The following LRRFIP1 variants were observed in gnomAD, a reference collection of about 807,000 sequenced individuals.
LRRFIP1 encodes LRR binding FLII interacting protein 1, also known as leucine-rich repeat flightless-interacting protein 1.
Under a neutral mutation model 104.4 loss-of-function variants are expected in LRRFIP1, and 62 were observed. That is an observed-to-expected ratio of 0.59 (90% CI 0.48 to 0.73). The LOEUF (loss-of-function observed/expected upper bound fraction) is 0.73, where lower values mean the gene tolerates loss of function less well. Among genes scored for constraint, LRRFIP1 ranks in the 30% least tolerant of loss-of-function variants. The pLI is 0.00. For synonymous variants in LRRFIP1, 300 were observed against 299.0 expected (o/e 1.00, Z -0.03); for missense variants, 796 against 824.5 (o/e 0.97, Z 0.42).
chr2:237,734,428 G>A (rs139967683), intron 9 of LRRFIP1, among the ~76,000 whole-genome samples: 1,732 of 151,952 alleles, frequency 0.011, 35 homozygotes, highest in African/African-American at 0.04. Context: ...TTACAGGCAC[G>A]TGTCACCACA....
intron 4 of LRRFIP1, among the ~76,000 whole-genome samples, chr2:237,718,424 GTGGA>G (rs1404478802): frequency 6.6e-6 from 1 of 152,164 alleles, no homozygotes; most frequent in Admixed American, 6.5e-5. Flanking sequence ...CTGCCTTCCT[GTGGA>G]TGGAGAGCTA....
chr2:237,651,235 G>A (rs956741020), intron 1 of LRRFIP1, among the ~76,000 whole-genome samples: 1 of 152,024 alleles, frequency 6.6e-6, no homozygotes, highest in Non-Finnish European at 1.5e-5. Flanking sequence ...CTTTTTCTGG[G>A]TGTCTTTGCT....
In LRRFIP1 at chr2:237,649,914, T is replaced by G. The variant is rs957626703; in HGVS notation, c.96+22174T>G. Among the ~76,000 whole-genome samples the G allele has an allele frequency of 6.6e-6, 1 of 152,068 alleles. No homozygotes were observed. The highest frequency in any genetic ancestry group is 1.9e-4 in the East Asian group (1 of 5,198). The stretch of plus-strand genomic sequence containing the variant: ...GCAGCCTTCGAAAGAGATGTAGTCC[T>G]CATCTGAAAGGTCATCCTTTCAAGT... On this transcript the variant is annotated intron_variant, in intron 1 of 23. Transcript: ENST00000308482. This position sits in a 1 kb window ranked among gnomAD's most constrained non-coding sequence, Gnocchi z 4.1.
chr2:237,725,068 C>G (rs2094689327), intron 7 of LRRFIP1, among the ~76,000 whole-genome samples: 1 of 152,218 alleles, frequency 6.6e-6, no homozygotes, highest in South Asian at 2.1e-4. Flanking sequence ...GGACTAGTCA[C>G]AAGTTACCGT....
In LRRFIP1 at chr2:237,691,360, G is replaced by A. The variant is rs1489510530; in HGVS notation, c.97-17184G>A. On this transcript the variant is annotated intron_variant, in intron 1 of 23. Transcript: ENST00000308482. This position sits in a 1 kb window ranked among gnomAD's most constrained non-coding sequence, Gnocchi z 5.4. ...TGGAGCCCTCCCGGAGGAGACCGGCGCCTGGCAGGGGGTCGTCGCGGCCGC... is the reference window on the plus strand; with the variant it reads ...TGGAGCCCTCCCGGAGGAGACCGGCACCTGGCAGGGGGTCGTCGCGGCCGC... Among the ~76,000 whole-genome samples, 1 of 152,128 alleles carries A rather than the reference G, an allele frequency of 6.6e-6. No individual in the cohort carries two copies. The highest frequency in any genetic ancestry group is 1.5e-5 in the Non-Finnish European group (1 of 68,008).
chr2:237,663,619 A>G (rs959246802), intron 1 of LRRFIP1, among the ~76,000 whole-genome samples: 1 of 152,216 alleles, frequency 6.6e-6, no homozygotes, highest in Non-Finnish European at 1.5e-5. Flanking sequence ...CTGCTACAGC[A>G]GCCTAAACAG....
intron 10 of LRRFIP1, among the ~76,000 whole-genome samples, chr2:237,738,492 G>A (rs573991059): frequency 6.6e-6 from 1 of 152,312 alleles, no homozygotes; most frequent in Non-Finnish European, 1.5e-5. Flanking sequence ...GACATGTCGG[G>A]ATCCTAAATA....
intron 1 of LRRFIP1, among the ~76,000 whole-genome samples, chr2:237,639,379 T>C (rs2083569395): frequency 6.6e-6 from 1 of 152,342 alleles, no homozygotes; most frequent in South Asian, 2.1e-4. Flanking sequence ...GGACTTCTTA[T>C]AAGTTTGAAG....
chr2:237,733,550 C>T (rs925364552), intron 8 of LRRFIP1, among the ~76,000 whole-genome samples: 1 of 152,212 alleles, frequency 6.6e-6, no homozygotes, highest in African/African-American at 2.4e-5. Context: ...GGGAAGTTTA[C>T]TGTTTTAAAG....
rs1033179409 is a variant in LRRFIP1 at position 237,774,447 on chromosome 2, G to A, written c.1797G>A (p.Arg599=). 6 of 1,612,172 alleles carry A rather than the reference G, an allele frequency of 3.7e-6. No individual in the cohort carries two copies. The highest frequency in any genetic ancestry group is 5.1e-6 in the Non-Finnish European group (6 of 1,178,776). ...KIEDELKAEK[R]KLQRELRSAL... ...AAGATGAACTTAAGGCAGAAAAACG[G>A]AAACTCCAAAGAGAGGTAAATTTCC... is the stretch of plus-strand genomic sequence containing the variant. The change falls in exon 23 of 24, where the codon CGG becomes CGA. Residue 599 remains arginine (R), a synonymous_variant. Coordinates refer to ENST00000308482, the MANE Select transcript of LRRFIP1 (RefSeq NM_001137550.2).
chr2:237,741,923 A>G (rs764188828), intron 11 of LRRFIP1, among the ~76,000 whole-genome samples: 2 of 152,228 alleles, frequency 1.3e-5, no homozygotes, highest in Non-Finnish European at 2.9e-5. Context: ...GTGAATCCCA[A>G]ACACGCTTAA....
chr2:237,654,889 C>T (rs2086546733), intron 1 of LRRFIP1, among the ~76,000 whole-genome samples: 2 of 152,022 alleles, frequency 1.3e-5, no homozygotes, highest in Admixed American at 6.6e-5. Flanking sequence ...CCCTGCAGCA[C>T]TATTCACAAT....
intron 1 of LRRFIP1, chr2:237,692,216 C>A: frequency 9.2e-7 from 1 of 1,085,782 alleles, no homozygotes. Flanking sequence ...CCCTTCCACC[C>A]CGAGCCCGAC....
rs191591977 is a variant in LRRFIP1 at position 237,736,591 on chromosome 2, G to A, written c.555+1258G>A. On this transcript the variant is annotated intron_variant, in intron 10 of 23. Coordinates refer to ENST00000308482, the MANE Select transcript of LRRFIP1 (RefSeq NM_001137550.2). ...TGCTCTCCAGATGCTACTGTGTCAC[G>A]TCTGAGATGGGCTTCGGGAGTCGTC... 3.3e-4 allele frequency among the ~76,000 whole-genome samples: 51 copies of A among 152,272 alleles called. No homozygotes were observed. The East Asian group carries it at 5.0e-3, about 15-fold the overall frequency.
chr2:237,778,876 C>T (rs902041133), intron 23 of LRRFIP1, among the ~76,000 whole-genome samples: 21 of 151,088 alleles, frequency 1.4e-4, no homozygotes, highest in African/African-American at 2.7e-4. Flanking sequence ...AAGATCACAC[C>T]GTTATACTCT....
In LRRFIP1 at chr2:237,693,664, T is replaced by C. The variant is rs148312851; in HGVS notation, c.97-14880T>C. Among the ~76,000 whole-genome samples the C allele has an allele frequency of 3.1e-3, 471 of 152,208 alleles. 11 individuals are homozygous for C. In the East Asian group the frequency reaches 0.046, roughly 15 times the overall value. On this transcript the variant is annotated intron_variant, in intron 1 of 23. Coordinates refer to ENST00000308482, the MANE Select transcript of LRRFIP1 (RefSeq NM_001137550.2). ...GAAAGAAGGAAGGGTGGGAATGTGGTTGAGCGGTGCCAGTGTTCTGAGGAG... is the reference window on the plus strand; with the variant it reads ...GAAAGAAGGAAGGGTGGGAATGTGGCTGAGCGGTGCCAGTGTTCTGAGGAG...
At chr2:237,771,563 C>T (rs1009319303) in intron 20 of LRRFIP1, among the ~76,000 whole-genome samples, 6 of 92,722 alleles carry the variant, frequency 6.5e-5, no homozygotes, top group Non-Finnish European at 1.3e-4. Flanking sequence ...CCCCCCCCCC[C>T]CCGCCCAGAT....
chr2:237,753,824 GTGTGTGTGTGTGTGTGTATGTA>G (rs2058935746), intron 15 of LRRFIP1, among the ~76,000 whole-genome samples: 1 of 119,272 alleles, frequency 8.4e-6, no homozygotes, highest in Non-Finnish European at 1.7e-5. Context: ...ATGGTAGGGT[GTGTGTGTGTGTGTGTGTATGTA>G]TGTATGTATG....
intron 1 of LRRFIP1, among the ~76,000 whole-genome samples, chr2:237,640,400 C>T (rs912029229): frequency 3.3e-5 from 5 of 152,016 alleles, no homozygotes; most frequent in Admixed American, 6.6e-5. Flanking sequence ...ATCTAGGTGC[C>T]GGCACATTCA....
Sources: gnomAD v4.1 joint callset for allele counts (sites outside exome capture counted in the v4.1 genomes callset) on GRCh38, gnomAD v4.1.1 for gene constraint, Gnocchi (gnomAD v3.1) non-coding constraint, MANE v1.5 for transcripts, NCBI Gene and HGNC (gene_info 2026-07-23, HGNC 2026-07-21) for gene names.